RIMS2: variants seen among roughly 807,000 people sequenced by gnomAD.
RIMS2 encodes the protein regulating synaptic membrane exocytosis 2.
A neutral mutation model predicts 174.4 loss-of-function variants in RIMS2; 59 were observed. The observed-to-expected ratio is 0.34, with a 90% CI of 0.27 to 0.42. The LOEUF is 0.42. Among genes scored for constraint, RIMS2 ranks in the 10% least tolerant of loss-of-function variants. RIMS2 has a pLI of 1.00. For synonymous variants in RIMS2, 606 were observed against 572.5 expected (o/e 1.06, Z -0.84); for missense variants, 1,620 against 1,666.3 (o/e 0.97, Z 0.48).
At chr8:103,835,767 T>G (rs941687992) in intron 3 of RIMS2, among the ~76,000 whole-genome samples, 1 of 152,260 alleles carries the variant, frequency 6.6e-6, no homozygotes, top group African/African-American at 2.4e-5. Flanking sequence ...TAAATATAAT[T>G]GGTTAGCCTG....
At chr8:103,620,698 T>C (rs911472442) in intron 1 of RIMS2, among the ~76,000 whole-genome samples, 2 of 152,192 alleles carry the variant, frequency 1.3e-5, no homozygotes, top group Non-Finnish European at 2.9e-5. Flanking sequence ...CTTTATTTCA[T>C]TGAGTTTCTG....
chr8:103,958,963 T>A (rs1450542063), intron 14 of RIMS2, among the ~76,000 whole-genome samples: 1 of 152,122 alleles, frequency 6.6e-6, no homozygotes, highest in African/African-American at 2.4e-5. Flanking sequence ...GAAAAACGCA[T>A]CCAAAAAGGA....
At chr8:103,945,480 T>G (rs768013659) in intron 14 of RIMS2, among the ~76,000 whole-genome samples, 2 of 151,820 alleles carry the variant, frequency 1.3e-5, no homozygotes, top group Non-Finnish European at 2.9e-5. Flanking sequence ...ACAAACACAT[T>G]AAAAGAAAAG....
chr8:103,559,797 A>G (rs1020202076), intron 1 of RIMS2, among the ~76,000 whole-genome samples: 3 of 152,236 alleles, frequency 2.0e-5, no homozygotes, highest in African/African-American at 7.2e-5. Context: ...TGCTGGCAGA[A>G]GAAATGAAAC....
At chr8:103,837,232 T>C (rs917433251) in intron 3 of RIMS2, among the ~76,000 whole-genome samples, 9 of 152,204 alleles carry the variant, frequency 5.9e-5, no homozygotes, top group African/African-American at 1.7e-4. Context: ...TGGACTAGCA[T>C]TGGCACTTAT....
At chr8:103,653,661 A>G (rs1004041725) in intron 1 of RIMS2, among the ~76,000 whole-genome samples, 1 of 151,534 alleles carries the variant, frequency 6.6e-6, no homozygotes, top group South Asian at 2.1e-4. Flanking sequence ...TAAAAGATAA[A>G]CATCTTTTAT....
At chr8:103,530,536 A>G (rs982262918) in intron 1 of RIMS2, among the ~76,000 whole-genome samples, 5 of 152,116 alleles carry the variant, frequency 3.3e-5, no homozygotes, top group African/African-American at 9.6e-5. Flanking sequence ...GTTAAAGTAT[A>G]TGATATAGAA....
chr8:103,886,999 A>G (rs1443628680), intron 4 of RIMS2, among the ~76,000 whole-genome samples: 2 of 151,756 alleles, frequency 1.3e-5, no homozygotes, highest in African/African-American at 4.8e-5. Flanking sequence ...ACTTTGGATT[A>G]TTTTAAGCTT....
chr8:103,747,062 C>T (rs2097827896), intron 2 of RIMS2, among the ~76,000 whole-genome samples: 1 of 145,946 alleles, frequency 6.9e-6, no homozygotes, highest in Admixed American at 6.8e-5. Context: ...CTGCAAAGGA[C>T]ATGATCTTCT....
intron 19 of RIMS2, chr8:104,015,595 TGACAAA>T: frequency 2.4e-6 from 1 of 419,612 alleles, no homozygotes; most frequent in Non-Finnish European, 4.2e-6. Flanking sequence ...TTATGATATC[TGACAAA>T]GTATTCAACT....
At chr8:104,052,685 T>C (rs566734232) in intron 19 of RIMS2, among the ~76,000 whole-genome samples, 6 of 152,190 alleles carry the variant, frequency 3.9e-5, no homozygotes, top group Non-Finnish European at 7.4e-5. Flanking sequence ...TTTAATTTGT[T>C]TGGGGCAAGC....
At chr8:103,592,271 T>C (rs2094299416) in intron 1 of RIMS2, among the ~76,000 whole-genome samples, 1 of 151,234 alleles carries the variant, frequency 6.6e-6, no homozygotes, top group Non-Finnish European at 1.5e-5. Flanking sequence ...CATTATCCTA[T>C]GACAGGGAAT....
At chr8:103,818,394 A>T (rs978109322) in intron 3 of RIMS2, among the ~76,000 whole-genome samples, 3 of 152,214 alleles carry the variant, frequency 2.0e-5, no homozygotes, top group Non-Finnish European at 4.4e-5. Flanking sequence ...TGTTATGGAA[A>T]GATGGATGTA....
At chr8:103,835,311 C>T (rs1016027480) in intron 3 of RIMS2, among the ~76,000 whole-genome samples, 2 of 151,080 alleles carry the variant, frequency 1.3e-5, no homozygotes, top group South Asian at 4.2e-4. Flanking sequence ...CTATGCTGGC[C>T]GGGCTTGTCT....
At chr8:103,532,218 C>A (rs537863174) in intron 1 of RIMS2, among the ~76,000 whole-genome samples, 2 of 152,252 alleles carry the variant, frequency 1.3e-5, no homozygotes, top group South Asian at 2.1e-4. Flanking sequence ...ACTTATTACA[C>A]CATAGAATTG....
At chr8:104,172,371 C>CA (rs910522155) in intron 19 of RIMS2, among the ~76,000 whole-genome samples, 9 of 150,704 alleles carry the variant, frequency 6.0e-5, no homozygotes, top group African/African-American at 9.7e-5. Context: ...TGTAAAGAAA[C>CA]AAAAAAAAAG....
At chr8:103,762,191 C>T (rs562072986) in intron 2 of RIMS2, among the ~76,000 whole-genome samples, 1 of 151,856 alleles carries the variant, frequency 6.6e-6, no homozygotes, top group South Asian at 2.1e-4. Flanking sequence ...AAATTTGGGT[C>T]ATTAGAGATT....
intron 19 of RIMS2, among the ~76,000 whole-genome samples, chr8:104,205,122 G>C (rs2137258687): frequency 6.6e-6 from 1 of 152,138 alleles, no homozygotes; most frequent in East Asian, 1.9e-4. Flanking sequence ...AGAGATGTAG[G>C]GAGATAAGAA....
intron 3 of RIMS2, among the ~76,000 whole-genome samples, chr8:103,863,018 A>G (rs2099066506): frequency 6.6e-6 from 1 of 152,018 alleles, no homozygotes; most frequent in Admixed American, 6.6e-5. Flanking sequence ...ATAAATGGTG[A>G]TAGTGGACAT....
Sources: gnomAD v4.1 joint callset for allele counts (sites outside exome capture counted in the v4.1 genomes callset) on GRCh38, gnomAD v4.1.1 for gene constraint, MANE v1.5 for transcripts, NCBI Gene and HGNC (gene_info 2026-07-23, HGNC 2026-07-21) for gene names.